Variants in USP8 observed in about 807,000 individuals in gnomAD.
USP8 encodes ubiquitin specific peptidase 8, also known as ubiquitin carboxyl-terminal hydrolase 8.
A neutral mutation model predicts 130.0 loss-of-function variants in USP8; 27 were observed. The observed-to-expected ratio is 0.21, with a 90% CI of 0.15 to 0.29. USP8 has a LOEUF of 0.29. Among genes scored for constraint, USP8 ranks in the 10% least tolerant of loss-of-function variants. The pLI, the probability that USP8 is intolerant of heterozygous loss-of-function variation, is 1.00. For synonymous variants in USP8, 392 were observed against 444.1 expected (o/e 0.88, Z 1.48); for missense variants, 1,029 against 1,312.2 (o/e 0.78, Z 3.33).
intron 18 of USP8, among the ~76,000 whole-genome samples, chr15:50,497,853 G>C (rs1477470249): frequency 6.6e-6 from 1 of 152,058 alleles, no homozygotes; most frequent in Non-Finnish European, 1.5e-5. Flanking sequence ...TTTTTATTGA[G>C]AGCTGTAATT....
rs2052705183 is a variant in USP8 at position 50,509,158 on chromosome 15, A to AAT, written c.*10071_*10072insTA. The AAT allele has an allele frequency of 6.7e-6, 1 of 150,088 alleles. No individual in the cohort carries two copies. Among genetic ancestry groups the AAT allele is most frequent in the Non-Finnish European group, 1.5e-5 (1 of 68,296 alleles). 9.3% of individuals were successfully genotyped at this position (150,088 alleles called of 1,614,324 possible). On this transcript the variant is annotated 3_prime_UTR_variant, in exon 20 of 20. Transcript: ENST00000307179. ...AAAAAAAAAAAAAAAAAAAAAAAAAAAAATTACAAAATTAGCTGGACATGG... is the reference window on the plus strand; with the variant it reads ...AAAAAAAAAAAAAAAAAAAAAAAAAAATAAATTACAAAATTAGCTGGACATGG...
intron 8 of USP8, among the ~76,000 whole-genome samples, chr15:50,473,821 T>TATATA (rs201359126): frequency 7.1e-6 from 1 of 141,260 alleles, no homozygotes; most frequent in African/African-American, 2.5e-5. Context: ...TATATATATA[T>TATATA]TTTTTTAATT....
intron 2 of USP8, among the ~76,000 whole-genome samples, chr15:50,441,054 A>G (rs567100301): frequency 1.3e-5 from 2 of 152,134 alleles, no homozygotes; most frequent in Non-Finnish European, 2.9e-5. Flanking sequence ...TGCAGTTCAC[A>G]ATAGGGTTCG....
intron 3 of USP8, among the ~76,000 whole-genome samples, chr15:50,446,994 T>C (rs1233871098): frequency 6.6e-6 from 1 of 152,196 alleles, no homozygotes; most frequent in Non-Finnish European, 1.5e-5. Context: ...ATTAAATCTT[T>C]TGCTATATCA....
intron 8 of USP8, among the ~76,000 whole-genome samples, chr15:50,475,244 G>T (rs965733119): frequency 6.6e-6 from 1 of 151,994 alleles, no homozygotes; most frequent in Non-Finnish European, 1.5e-5. Flanking sequence ...TAAAAAAATT[G>T]CAAATAACTA....
chr15:50,500,694 A>G lies in USP8; in HGVS notation c.*1606A>G. On this transcript the variant is annotated 3_prime_UTR_variant, in exon 20 of 20. Transcript: ENST00000307179. Reference sequence around the variant, plus strand: ...TTGGTATGGAAAAGGGCTGGCAGCTATAGAACAGGAGATCCATAGCATTTT... The same window carrying G: ...TTGGTATGGAAAAGGGCTGGCAGCTGTAGAACAGGAGATCCATAGCATTTT... 1.4e-6 allele frequency: 2 copies of G among 1,411,440 alleles called. No homozygotes were observed. The highest frequency in any genetic ancestry group is 1.8e-4 in the Middle Eastern group (1 of 5,704). 87.4% of individuals were successfully genotyped at this position (1,411,440 alleles called of 1,614,324 possible). A position where few individuals can be genotyped will look rare whatever the true frequency, so the allele number is the denominator to read the frequency against.
At position 50,509,802 on chromosome 15, in the gene USP8, A is replaced by G. The variant is rs1229625917; in HGVS notation, c.*10714A>G. On this transcript the variant is annotated 3_prime_UTR_variant, in exon 20 of 20. Coordinates refer to ENST00000307179, the MANE Select transcript of USP8 (RefSeq NM_005154.5). ...CCAACTGAGACCTTAGATGAAATAG[A>G]CAAATATCTGGAGAATAAGTTACCA... The G allele has an allele frequency of 6.6e-6, 1 of 152,228 alleles. No individual in the cohort carries two copies. Among genetic ancestry groups the G allele is most frequent in the Non-Finnish European group, 1.5e-5 (1 of 68,036 alleles). 9.4% of individuals were successfully genotyped at this position (152,228 alleles called of 1,614,324 possible).
intron 12 of USP8, among the ~76,000 whole-genome samples, chr15:50,485,314 G>A (rs961053709): frequency 6.6e-6 from 1 of 151,716 alleles, no homozygotes; most frequent in Non-Finnish European, 1.5e-5. Flanking sequence ...GCCGGGCGTG[G>A]TGGCAGGCAC....
intron 1 of USP8, among the ~76,000 whole-genome samples, chr15:50,437,763 G>A (rs188258471): frequency 5.1e-4 from 77 of 152,328 alleles, no homozygotes; most frequent in Non-Finnish European, 9.8e-4. Context: ...CTCGCTAGAA[G>A]GACATATTTG....
chr15:50,485,829 G>T (rs2051943536), intron 12 of USP8, among the ~76,000 whole-genome samples: 1 of 151,656 alleles, frequency 6.6e-6, no homozygotes, highest in South Asian at 2.1e-4. Context: ...ATATAAAATG[G>T]TATAGTGTTT....
chr15:50,449,044 A>C (rs556586460), intron 3 of USP8, among the ~76,000 whole-genome samples: 2 of 152,320 alleles, frequency 1.3e-5, no homozygotes, highest in East Asian at 3.9e-4. Context: ...GTGAGACTGG[A>C]GAAAAAACTA....
At chr15:50,458,483 C>T (rs755969612) in intron 4 of USP8, 7 of 157,160 alleles carry the variant, frequency 4.5e-5, no homozygotes, top group Non-Finnish European at 9.8e-5. Context: ...TTCTAAATTC[C>T]TCAGATATCT....
chr15:50,497,873 A>G (rs1344022467), intron 18 of USP8, among the ~76,000 whole-genome samples: 4 of 152,190 alleles, frequency 2.6e-5, no homozygotes, highest in Admixed American at 6.5e-5. Flanking sequence ...TTTTGTGTCA[A>G]AAAAGCATTT....
At chr15:50,467,788 C>G (rs1416981186) in intron 7 of USP8, among the ~76,000 whole-genome samples, 4 of 151,954 alleles carry the variant, frequency 2.6e-5, no homozygotes, top group Admixed American at 6.6e-5. Context: ...AACTCCTGGG[C>G]TCAAACAGTC....
At chr15:50,496,936 C>A in intron 17 of USP8, 153 bp from the exon 18 acceptor site, 1 of 919,008 alleles carries the variant, frequency 1.1e-6, no homozygotes, top group Non-Finnish European at 1.6e-6. Flanking sequence ...CTATGCTTCT[C>A]ACTAGATCAC....
chr15:50,470,172 G>A (rs2051330240), intron 7 of USP8, among the ~76,000 whole-genome samples: 2 of 152,148 alleles, frequency 1.3e-5, no homozygotes, highest in Non-Finnish European at 2.9e-5. Flanking sequence ...TGTGGGCTGG[G>A]TTACTGTGTT....
intron 5 of USP8, among the ~76,000 whole-genome samples, chr15:50,460,741 A>G (rs774917834): frequency 1.3e-5 from 2 of 152,188 alleles, no homozygotes; most frequent in Non-Finnish European, 2.9e-5. Context: ...TTACCTCCTC[A>G]GAAACTACTC....
chr15:50,461,487 G>T (rs2051002804), intron 5 of USP8, among the ~76,000 whole-genome samples: 1 of 151,410 alleles, frequency 6.6e-6, no homozygotes, highest in African/African-American at 2.4e-5. Flanking sequence ...GGTCTAAGTG[G>T]GTCCTTTGTT....
chr15:50,443,215 A>G (rs549798315), intron 3 of USP8, among the ~76,000 whole-genome samples: 2 of 151,268 alleles, frequency 1.3e-5, no homozygotes, highest in Non-Finnish European at 3.0e-5. Flanking sequence ...ATTTTTTTGT[A>G]TCTTTAGTAG....
Sources: gnomAD v4.1 joint callset for allele counts (sites outside exome capture counted in the v4.1 genomes callset) on GRCh38, gnomAD v4.1.1 for gene constraint, MANE v1.5 for transcripts, NCBI Gene and HGNC (gene_info 2026-07-23, HGNC 2026-07-21) for gene names.